SPATA13: variants seen among roughly 807,000 people sequenced by gnomAD.
The protein encoded by SPATA13 is spermatogenesis-associated protein 13.
A neutral mutation model predicts 104.0 loss-of-function variants in SPATA13; 50 were observed. The observed-to-expected ratio is 0.48, with a 90% CI of 0.38 to 0.61. SPATA13 has a LOEUF of 0.61. SPATA13 is among the 20% of genes least tolerant of loss of function. The pLI, the probability that SPATA13 is intolerant of heterozygous loss-of-function variation, is 0.00. For synonymous variants in SPATA13, 606 were observed against 667.5 expected (o/e 0.91, Z 1.42); for missense variants, 1,524 against 1,690.6 (o/e 0.90, Z 1.73).
intron 1 of SPATA13, among the ~76,000 whole-genome samples, chr13:24,189,041 C>CA (rs970612042): frequency 1.3e-5 from 2 of 152,160 alleles, no homozygotes; most frequent in African/African-American, 4.8e-5. Flanking sequence ...TGCTCATTGA[C>CA]AATGTGCCAG....
intron 2 of SPATA13, 156 bp downstream of exon 2, chr13:24,224,738 G>T: frequency 1.3e-6 from 1 of 760,572 alleles, no homozygotes; most frequent in South Asian, 1.5e-5. Flanking sequence ...TTGTCAAGTT[G>T]CTGTTTACCA....
intron 3 of SPATA13, among the ~76,000 whole-genome samples, chr13:24,076,972 G>A (rs981457975): frequency 3.3e-5 from 5 of 151,952 alleles, no homozygotes; most frequent in African/African-American, 9.7e-5. Context: ...AGGGGGATAC[G>A]GCAAAGTCCT....
intron 2 of SPATA13, among the ~76,000 whole-genome samples, chr13:24,239,756 A>G (rs1267970101): frequency 6.6e-6 from 1 of 151,370 alleles, no homozygotes. Context: ...CAGAGCTAAA[A>G]TATGGTTATC....
At chr13:24,007,582 G>A (rs753227370) in intron 2 of SPATA13, among the ~76,000 whole-genome samples, 14 of 152,278 alleles carry the variant, frequency 9.2e-5, no homozygotes, top group Middle Eastern at 3.4e-3. Context: ...TCAGCCTCCT[G>A]AATAGCTGGG....
chr13:24,185,227 G>A (rs1869073549), intron 1 of SPATA13, among the ~76,000 whole-genome samples: 1 of 152,144 alleles, frequency 6.6e-6, no homozygotes, highest in Non-Finnish European at 1.5e-5. Flanking sequence ...TACAATAAAT[G>A]CTTTTGTGTG....
At chr13:24,180,177 G>A (rs2760357) in intron 1 of SPATA13, among the ~76,000 whole-genome samples, 14,344 of 152,172 alleles carry the variant, frequency 0.094, 2,195 homozygotes, top group African/African-American at 0.33. Context: ...TGCATATGGT[G>A]TAAGGGAAGA....
chr13:24,032,099 A>G lies in SPATA13; in HGVS notation c.-112+14398A>G, dbSNP rs149621471. On this transcript the variant is annotated intron_variant, in intron 3 of 14. Transcript: ENST00000424834. ...TAAGAACACCCATGCTTGGTGTCTG[A>G]TTATCCTCCACCATCCCCCAGGTGA... Among the ~76,000 whole-genome samples the G allele has an allele frequency of 4.6e-5, 7 of 152,208 alleles. No individual in the cohort carries two copies. The South Asian group carries it at 8.3e-4, about 18-fold the overall frequency.
chr13:24,143,865 A>G (rs1881843859), intron 3 of SPATA13, among the ~76,000 whole-genome samples: 1 of 152,254 alleles, frequency 6.6e-6, no homozygotes, highest in Admixed American at 6.5e-5. Context: ...CTCTCTGGCC[A>G]GATGACCTTA....
chr13:24,217,841 C>A (rs1174696305), intron 1 of SPATA13, among the ~76,000 whole-genome samples: 2 of 152,142 alleles, frequency 1.3e-5, no homozygotes, highest in African/African-American at 2.4e-5. Flanking sequence ...AGCTGCTGCA[C>A]GTGCCCACAA....
chr13:24,199,593 G>T (rs1870285445), intron 1 of SPATA13, among the ~76,000 whole-genome samples: 1 of 152,168 alleles, frequency 6.6e-6, no homozygotes, highest in African/African-American at 2.4e-5. Flanking sequence ...TTTAAGATGT[G>T]TTCCTTAGAA....
intron 3 of SPATA13, among the ~76,000 whole-genome samples, chr13:24,154,815 C>T (rs1447935173): frequency 3.9e-5 from 6 of 152,226 alleles, no homozygotes; most frequent in African/African-American, 9.6e-5. Flanking sequence ...TTCTTAGTGT[C>T]GACAGAATTC....
chr13:24,023,859 C>A (rs1877087616), intron 3 of SPATA13, among the ~76,000 whole-genome samples: 1 of 152,170 alleles, frequency 6.6e-6, no homozygotes, highest in African/African-American at 2.4e-5. Flanking sequence ...GAACTTCCAC[C>A]CTGCAGCAGT....
chr13:24,116,804 G>C (rs1378313464), intron 3 of SPATA13, among the ~76,000 whole-genome samples: 1 of 149,168 alleles, frequency 6.7e-6, no homozygotes, highest in Non-Finnish European at 1.5e-5. Flanking sequence ...TTTGGAGAAA[G>C]GGCCTTTGGG....
intron 3 of SPATA13, among the ~76,000 whole-genome samples, chr13:24,089,484 C>T (rs1310298590): frequency 6.6e-6 from 1 of 152,164 alleles, no homozygotes; most frequent in East Asian, 1.9e-4. Flanking sequence ...AGACAGTTCT[C>T]CCGGTTCTGT....
At chr13:24,248,164 T>C (rs373344313) in intron 2 of SPATA13, among the ~76,000 whole-genome samples, 4 of 152,330 alleles carry the variant, frequency 2.6e-5, no homozygotes, top group South Asian at 4.1e-4. Context: ...CTGGCCAGGC[T>C]TTGAGGGGTC....
intron 11 of SPATA13, among the ~76,000 whole-genome samples, chr13:24,297,937 A>G (rs1335780865): frequency 6.6e-6 from 1 of 152,212 alleles, no homozygotes; most frequent in Non-Finnish European, 1.5e-5. Context: ...TACTACCGGC[A>G]ACATTTATTC....
At position 24,304,761 on chromosome 13, in the gene SPATA13, G is replaced by A. The variant is rs1482850530; in HGVS notation, c.*1988G>A. 4 of 152,378 alleles carry A rather than the reference G, an allele frequency of 2.6e-5. No individual in the cohort carries two copies. In the East Asian group the frequency reaches 5.8e-4, roughly 22 times the overall value. The allele number at this position is 152,378 out of a possible 1,614,324, so 9.4% of individuals were successfully genotyped here. ...ATGGCTGACAGCCCGAGTTGCTTCT[G>A]TGGACCATCATGCCGCTCGGCACGT... On this transcript the variant is annotated 3_prime_UTR_variant, in exon 13 of 13. Transcript: ENST00000382108.
intron 2 of SPATA13, among the ~76,000 whole-genome samples, chr13:24,229,729 C>G (rs966369857): frequency 3.9e-5 from 6 of 152,116 alleles, no homozygotes; most frequent in African/African-American, 1.4e-4. Context: ...GAGTTAAGTT[C>G]CTGCATAATC....
chr13:24,281,506 C>T (rs1020057202), intron 4 of SPATA13, among the ~76,000 whole-genome samples: 8 of 152,192 alleles, frequency 5.3e-5, no homozygotes, highest in African/African-American at 1.2e-4. Flanking sequence ...GGTGGTTTCA[C>T]GGCTGGGGCA....
Sources: gnomAD v4.1 joint callset for allele counts (sites outside exome capture counted in the v4.1 genomes callset) on GRCh38, gnomAD v4.1.1 for gene constraint, MANE v1.5 for transcripts, NCBI Gene and HGNC (gene_info 2026-07-23, HGNC 2026-07-21) for gene names.